ST8SIA6: variants seen among roughly 807,000 people sequenced by gnomAD.
ST8SIA6 encodes the protein ST8 alpha-N-acetyl-neuraminide alpha-2,8-sialyltransferase 6.
ST8SIA6 carries 39 observed loss-of-function variants against 33.6 expected under a neutral mutation model. That is an observed-to-expected ratio of 1.16 (90% CI 0.90 to 1.52). The LOEUF (loss-of-function observed/expected upper bound fraction) is 1.52. Among genes scored for constraint, ST8SIA6 ranks in the 40% most tolerant of loss-of-function variants. The pLI, the probability that ST8SIA6 is intolerant of heterozygous loss-of-function variation, is 0.00. For synonymous variants in ST8SIA6, 172 were observed against 167.2 expected, an observed-to-expected ratio of 1.03 and a Z score of -0.22; for missense variants, 441 against 443.8, an observed-to-expected ratio of 0.99 and a Z score of 0.06.
rs560708899 is a variant in ST8SIA6 at position 17,378,954 on chromosome 10, G to A, written c.290+11577C>T. Reference sequence around the variant, plus strand: ...ATCCTGGCTAACATGGTGAAACCCCGTTACTACTAAAAATACAAAAAATTA... The same window carrying A: ...ATCCTGGCTAACATGGTGAAACCCCATTACTACTAAAAATACAAAAAATTA... On this transcript the variant is annotated intron_variant, in intron 3 of 7. Transcript: ENST00000377602. 2.4e-4 allele frequency among the ~76,000 whole-genome samples: 37 copies of A among 152,026 alleles called. No individual in the cohort carries two copies. The South Asian group carries it at 6.6e-3, about 27-fold the overall frequency.
At chr10:17,381,166 G>A (rs1457807794) in intron 3 of ST8SIA6, among the ~76,000 whole-genome samples, 1 of 152,056 alleles carries the variant, frequency 6.6e-6, no homozygotes, top group Admixed American at 6.6e-5. Context: ...AAATAAAAAT[G>A]AAAGTGTCTC....
chr10:17,383,897 G>A (rs1850247147), intron 3 of ST8SIA6, among the ~76,000 whole-genome samples: 1 of 152,152 alleles, frequency 6.6e-6, no homozygotes, highest in Non-Finnish European at 1.5e-5. Context: ...TAACAATTTA[G>A]TATACTCCCA....
intron 3 of ST8SIA6, 43 bp from the exon 4 acceptor site, chr10:17,359,643 T>C: frequency 7.8e-7 from 1 of 1,279,038 alleles, no homozygotes; most frequent in Non-Finnish European, 1.1e-6. Context: ...AATGATCTCA[T>C]ATGTAAGTCT....
At position 17,320,660 on chromosome 10, in the gene ST8SIA6, A is replaced by G. The variant is rs1362953165; in HGVS notation, c.*218T>C. On this transcript the variant is annotated 3_prime_UTR_variant, in exon 8 of 8. Transcript: ENST00000377602. ...ATTTTCATAAATTATAAAAATTTGT[A>G]TGAGTCAGATATGGTGTCCATGTTA... is the stretch of plus-strand genomic sequence containing the variant. 9.8e-6 allele frequency: 5 copies of G among 508,340 alleles called. No individual in the cohort carries two copies. Among genetic ancestry groups the G allele is most frequent in the African/African-American group, 8.5e-5 (3 of 35,160 alleles). The allele number at this position is 508,340 out of a possible 1,614,324, so 31.5% of individuals were successfully genotyped here. A position where few individuals can be genotyped will look rare whatever the true frequency, so the allele number is the denominator to read the frequency against.
chr10:17,410,062 A>T (rs987778196), intron 2 of ST8SIA6: 5 of 152,228 alleles, frequency 3.3e-5, no homozygotes, highest in African/African-American at 1.2e-4. Flanking sequence ...TGTCAGACAC[A>T]TGTGAGCAGT....
rs1344895365 is a variant in ST8SIA6 at position 17,374,748 on chromosome 10, A to AAAATATATATATATAT, written c.291-15149_291-15148insATATATATATATATTT. Among the ~76,000 whole-genome samples, 58 of 67,574 alleles carry AAAATATATATATATAT rather than the reference A, an allele frequency of 8.6e-4. 1 individual carries two copies. The highest frequency in any genetic ancestry group is 7.3e-3 in the East Asian group (10 of 1,366). 44.3% of individuals were successfully genotyped at this position (67,574 alleles called of 152,430 possible). ...TAAATAAATAAATAAATAAATAAAT[A>AAAATATATATATATAT]ATAAATATATATATATATATTTAGC... On this transcript the variant is annotated intron_variant, in intron 3 of 7. Transcript: ENST00000377602.
At chr10:17,406,296 C>T (rs1851255152) in intron 2 of ST8SIA6, among the ~76,000 whole-genome samples, 5 of 152,180 alleles carry the variant, frequency 3.3e-5, no homozygotes, top group Admixed American at 2.6e-4. Flanking sequence ...ATCAGCTCAG[C>T]AACAAAGCCA....
chr10:17,454,471 C>T lies in ST8SIA6; in HGVS notation c.-216G>A, dbSNP rs1255920572. ...AAGCCGCGTTCGGGCTCGCCCCGGG[C>T]TCCCGGCCCCGGCCCGCGGAGCGCC... On this transcript the variant is annotated 5_prime_UTR_variant, in exon 1 of 8. Coordinates refer to ENST00000377602, the MANE Select transcript of ST8SIA6 (RefSeq NM_001004470.3). This position sits in a 1 kb window ranked among gnomAD's most constrained non-coding sequence, Gnocchi z 4.1. 6.4e-6 allele frequency: 1 copy of T among 156,256 alleles called. No individual in the cohort carries two copies. Among genetic ancestry groups the T allele is most frequent in the East Asian group, 1.9e-4 (1 of 5,324 alleles). The allele number at this position is 156,256 out of a possible 1,614,324, so 9.7% of individuals were successfully genotyped here. A position where few individuals can be genotyped will look rare whatever the true frequency, so the allele number is the denominator to read the frequency against.
chr10:17,332,940 T>G (rs558611594), intron 4 of ST8SIA6, among the ~76,000 whole-genome samples: 1 of 152,294 alleles, frequency 6.6e-6, no homozygotes, highest in South Asian at 2.1e-4. Flanking sequence ...CTTCAGTTCC[T>G]TGTAATCCTG....
At chr10:17,350,383 CT>C (rs76427907) in intron 4 of ST8SIA6, among the ~76,000 whole-genome samples, 29,994 of 152,032 alleles carry the variant, frequency 0.2, 3,226 homozygotes, top group East Asian at 0.49. Flanking sequence ...ACAATGAATG[CT>C]TGCTTCACAC....
At position 17,440,727 on chromosome 10, in the gene ST8SIA6, A is replaced by C. The variant is rs1852453710; in HGVS notation, c.200+12832T>G. 1.3e-5 allele frequency among the ~76,000 whole-genome samples: 2 copies of C among 152,040 alleles called. 1 individual carries two copies. The highest frequency in any genetic ancestry group is 4.2e-4 in the South Asian group (2 of 4,806). On this transcript the variant is annotated intron_variant, in intron 2 of 7. Coordinates refer to ENST00000377602, the MANE Select transcript of ST8SIA6 (RefSeq NM_001004470.3). ...ATCCCGCTAAAGAACCACTGTCAGG[A>C]GCTTCGGCAGTAGAAGCTAACCTTG...
At position 17,331,426 on chromosome 10, in the gene ST8SIA6, A is replaced by G. The variant is rs1168523345; in HGVS notation, c.504T>C (p.Ile168=). The change falls in exon 5 of 8, where the codon ATT becomes ATC. Residue 168 remains isoleucine, a synonymous_variant. Transcript: ENST00000377602. ...TACTCACCACTGGAAACATATGAAAAATGTTCTTCTTAATTGGGATTTCTT... is the reference window on the plus strand; with the variant it reads ...TACTCACCACTGGAAACATATGAAAGATGTTCTTCTTAATTGGGATTTCTT... The part of the protein sequence containing the change: ...SKKEIPIKKN[I]FHMFPVSQPF... 6.2e-7 allele frequency: 1 copy of G among 1,613,396 alleles called. No individual in the cohort carries two copies. Among genetic ancestry groups the G allele is most frequent in the Non-Finnish European group, 8.5e-7 (1 of 1,179,772 alleles).
intron 4 of ST8SIA6, among the ~76,000 whole-genome samples, chr10:17,334,566 TATA>T (rs199514295): frequency 0.019 from 2,801 of 149,126 alleles, 38 homozygotes; most frequent in African/African-American, 0.037. Flanking sequence ...TTATTATTAT[TATA>T]ATAATAAAAT....
intron 2 of ST8SIA6, among the ~76,000 whole-genome samples, chr10:17,404,751 C>T (rs553709855): frequency 6.6e-6 from 1 of 152,232 alleles, no homozygotes; most frequent in Non-Finnish European, 1.5e-5. Context: ...TCCTTGTATT[C>T]GAAGTTGACC....
At chr10:17,344,978 T>G (rs1848785238) in intron 4 of ST8SIA6, among the ~76,000 whole-genome samples, 1 of 146,234 alleles carries the variant, frequency 6.8e-6, no homozygotes, top group Non-Finnish European at 1.5e-5. Flanking sequence ...TTCTTACTAC[T>G]AGGAATGTAA....
rs748167866 is a variant in ST8SIA6, at chr10:17,321,356, T to A, written c.729-10A>T. On this transcript the variant is annotated splice_polypyrimidine_tract_variant and intron_variant, in intron 7 of 7. Coordinates refer to ENST00000377602, the MANE Select transcript of ST8SIA6 (RefSeq NM_001004470.3). ...CTTTAAGTTCCCATATCTGCCAAAT[T>A]AAAAAAAAATTATAGTAATCCCAAG... 1.3e-6 allele frequency: 2 copies of A among 1,563,590 alleles called. No homozygotes were observed. The highest frequency in any genetic ancestry group is 2.1e-5 in the Admixed American group (1 of 47,712).
chr10:17,379,779 T>A (rs11816182), intron 3 of ST8SIA6, among the ~76,000 whole-genome samples: 5,802 of 152,266 alleles, frequency 0.038, 136 homozygotes, highest in African/African-American at 0.062. Flanking sequence ...CTTGGGCACG[T>A]GTCATCAGGA....
chr10:17,365,197 T>TC (rs1849517901), intron 3 of ST8SIA6, among the ~76,000 whole-genome samples: 1 of 152,192 alleles, frequency 6.6e-6, no homozygotes, highest in South Asian at 2.1e-4. Context: ...CCACAAATTA[T>TC]AAATAACCTA....
intron 3 of ST8SIA6, among the ~76,000 whole-genome samples, chr10:17,362,807 G>C (rs536127306): frequency 6.6e-6 from 1 of 152,222 alleles, no homozygotes; most frequent in South Asian, 2.1e-4. Flanking sequence ...CGCCTCCCAG[G>C]TTCAAGCTAT....
Sources: allele counts gnomAD v4.1 joint callset (sites outside exome capture counted in the v4.1 genomes callset), GRCh38; gene constraint gnomAD v4.1.1; non-coding constraint Gnocchi (gnomAD v3.1); transcripts MANE v1.5; gene names NCBI Gene and HGNC (gene_info 2026-07-23, HGNC 2026-07-21).